Variants in SGCZ observed in about 807,000 individuals in gnomAD.
SGCZ encodes the protein zeta-sarcoglycan.
SGCZ carries 40 observed loss-of-function variants against 41.3 expected under a neutral mutation model. The ratio of observed to expected loss-of-function variants is 0.97; its 90% CI spans 0.75 to 1.26. The LOEUF (loss-of-function observed/expected upper bound fraction) is 1.26. Ranked by LOEUF, SGCZ falls within the 50% of genes most tolerant of loss-of-function variation. SGCZ has a pLI of 0.00. For missense variants in SGCZ, 552 were observed against 369.8 expected, an observed-to-expected ratio of 1.49 and a Z score of -4.04; for synonymous variants, 206 against 137.5, an observed-to-expected ratio of 1.50 and a Z score of -3.49.
intron 2 of SGCZ, among the ~76,000 whole-genome samples, chr8:14,524,486 G>A (rs560679264): frequency 2.0e-5 from 3 of 152,022 alleles, no homozygotes; most frequent in Non-Finnish European, 4.4e-5. Context: ...TTCCCAAAAG[G>A]CAAGAAAGAA....
At chr8:14,242,279 C>G (rs1007968331) in intron 3 of SGCZ, among the ~76,000 whole-genome samples, 1 of 152,148 alleles carries the variant, frequency 6.6e-6, no homozygotes, top group Non-Finnish European at 1.5e-5. Context: ...GTACAAACAG[C>G]AACCAACATT....
chr8:14,694,492 C>G (rs552766334), intron 1 of SGCZ, among the ~76,000 whole-genome samples: 2 of 152,214 alleles, frequency 1.3e-5, no homozygotes, highest in East Asian at 1.9e-4. Flanking sequence ...ACCCCTTAGT[C>G]CGAATAAATA....
chr8:15,196,081 T>A (rs1346016766), intron 1 of SGCZ, among the ~76,000 whole-genome samples: 1 of 143,462 alleles, frequency 7.0e-6, no homozygotes, highest in East Asian at 2.0e-4. Flanking sequence ...GTATTTTTAG[T>A]AGAGACGGGG....
intron 1 of SGCZ, among the ~76,000 whole-genome samples, chr8:14,991,803 A>G (rs1190991257): frequency 1.3e-5 from 2 of 150,602 alleles, no homozygotes; most frequent in African/African-American, 4.9e-5. Flanking sequence ...GTTAATCTTG[A>G]TGTTTACCTC....
chr8:14,392,693 C>G (rs942865640), intron 2 of SGCZ, among the ~76,000 whole-genome samples: 1 of 152,014 alleles, frequency 6.6e-6, no homozygotes, highest in Non-Finnish European at 1.5e-5. Flanking sequence ...CATATAAAAA[C>G]AGAACAATTA....
At position 14,493,359 on chromosome 8, in the gene SGCZ, C is replaced by CTTTTTTTTTTTTTTTTTTTTTTTTTTT. The variant is rs57898016; in HGVS notation, c.234+61346_234+61372dup. Among the ~76,000 whole-genome samples, 357 of 44,268 alleles carry CTTTTTTTTTTTTTTTTTTTTTTTTTTT rather than the reference C, an allele frequency of 8.1e-3. 55 individuals are homozygous for CTTTTTTTTTTTTTTTTTTTTTTTTTTT. The highest frequency in any genetic ancestry group is 9.7e-3 in the African/African-American group (129 of 13,250). The allele number at this position is 44,268 out of a possible 152,430, so 29.0% of individuals were successfully genotyped here. Reference sequence around the variant, plus strand: ...CATACTTTTCCCACTATCATCCTTTCTTTTTTTTTTTTTTTTTTTTTTTTT... The same window carrying CTTTTTTTTTTTTTTTTTTTTTTTTTTT: ...CATACTTTTCCCACTATCATCCTTTCTTTTTTTTTTTTTTTTTTTTTTTTTTTTTTTTTTTTTTTTTTTTTTTTTTTT... On this transcript the variant is annotated intron_variant, in intron 2 of 7. Coordinates refer to ENST00000382080, the MANE Select transcript of SGCZ (RefSeq NM_139167.4).
At chr8:14,816,642 G>A (rs1303859161) in intron 1 of SGCZ, among the ~76,000 whole-genome samples, 1 of 147,068 alleles carries the variant, frequency 6.8e-6, no homozygotes, top group African/African-American at 2.6e-5. Context: ...GTTGGACTCT[G>A]AGGTGAATAT....
intron 2 of SGCZ, among the ~76,000 whole-genome samples, chr8:14,552,479 A>G (rs1803901402): frequency 6.6e-6 from 1 of 152,122 alleles, no homozygotes; most frequent in Non-Finnish European, 1.5e-5. Context: ...CTGATTATAA[A>G]AAGGTCAAAA....
intron 1 of SGCZ, among the ~76,000 whole-genome samples, chr8:15,097,481 G>A (rs1806390824): frequency 1.3e-5 from 2 of 151,996 alleles, no homozygotes; most frequent in African/African-American, 2.4e-5. Flanking sequence ...GGGCATGGTT[G>A]CTCAAGCCTG....
intron 4 of SGCZ, among the ~76,000 whole-genome samples, chr8:14,190,171 C>T (rs945856722): frequency 2.0e-5 from 3 of 151,676 alleles, no homozygotes; most frequent in Non-Finnish European, 4.4e-5. Context: ...CGCCACCACG[C>T]CCGGCTAATT....
At chr8:14,382,483 T>G (rs1440786053) in intron 2 of SGCZ, among the ~76,000 whole-genome samples, 3 of 151,482 alleles carry the variant, frequency 2.0e-5, no homozygotes, top group African/African-American at 7.3e-5. Context: ...AGGTGCAAGC[T>G]AAATGTGGGA....
At chr8:14,770,456 G>A (rs1800197275) in intron 1 of SGCZ, among the ~76,000 whole-genome samples, 2 of 151,548 alleles carry the variant, frequency 1.3e-5, no homozygotes, top group East Asian at 3.9e-4. Flanking sequence ...GGAGAGGGAG[G>A]TAAACTCATG....
At chr8:15,011,435 C>T (rs1215900970) in intron 1 of SGCZ, among the ~76,000 whole-genome samples, 1 of 152,096 alleles carries the variant, frequency 6.6e-6, no homozygotes, top group South Asian at 2.1e-4. Flanking sequence ...GCTGAAAAAT[C>T]TAAATAAATC....
chr8:14,998,573 C>T (rs1802301505), intron 1 of SGCZ, among the ~76,000 whole-genome samples: 2 of 152,170 alleles, frequency 1.3e-5, no homozygotes, highest in South Asian at 2.1e-4. Flanking sequence ...AAAAACTCAT[C>T]TTGACTTCTG....
chr8:14,554,118 T>A (rs952802116), intron 2 of SGCZ, among the ~76,000 whole-genome samples: 4 of 152,070 alleles, frequency 2.6e-5, no homozygotes, highest in African/African-American at 9.7e-5. Context: ...ATACAATCAT[T>A]TTGTAATTAG....
chr8:14,565,226 T>C (rs1200908006), intron 1 of SGCZ, among the ~76,000 whole-genome samples: 2 of 152,224 alleles, frequency 1.3e-5, no homozygotes, highest in Admixed American at 6.5e-5. Flanking sequence ...ATTCTTAGTT[T>C]TCTTTACATA....
intron 1 of SGCZ, among the ~76,000 whole-genome samples, chr8:14,967,081 TA>T (rs1801148061): frequency 6.6e-6 from 1 of 152,192 alleles, no homozygotes; most frequent in African/African-American, 2.4e-5. Context: ...TCATTTTCAT[TA>T]GCTCACAGAC....
intron 2 of SGCZ, among the ~76,000 whole-genome samples, chr8:14,546,886 C>T (rs1423090661): frequency 6.6e-6 from 1 of 152,058 alleles, no homozygotes; most frequent in Non-Finnish European, 1.5e-5. Context: ...TACTCTTGTT[C>T]ATCAGTGTGA....
At chr8:15,052,738 T>C (rs1010411742) in intron 1 of SGCZ, among the ~76,000 whole-genome samples, 14 of 152,154 alleles carry the variant, frequency 9.2e-5, no homozygotes, top group South Asian at 2.1e-4. Flanking sequence ...ATTTCATCCT[T>C]AAACATTCTT....
Sources: allele counts gnomAD v4.1 joint callset (sites outside exome capture counted in the v4.1 genomes callset), GRCh38; gene constraint gnomAD v4.1.1; transcripts MANE v1.5; gene names NCBI Gene and HGNC (gene_info 2026-07-23, HGNC 2026-07-21).